UXS1: variants seen among roughly 807,000 people sequenced by gnomAD.
UXS1 encodes the protein UDP-glucuronate decarboxylase 1, also known as UDP-glucuronic acid decarboxylase 1.
A neutral mutation model predicts 62.6 loss-of-function variants in UXS1; 33 were observed. The observed-to-expected ratio is 0.53, with a 90% CI of 0.40 to 0.70. The LOEUF (loss-of-function observed/expected upper bound fraction) is 0.70. Among genes scored for constraint, UXS1 ranks in the 30% least tolerant of loss-of-function variants. The pLI is 0.00. For synonymous variants in UXS1, 213 were observed against 206.8 expected (o/e 1.03, Z -0.26); for missense variants, 434 against 556.3 (o/e 0.78, Z 2.21).
intron 5 of UXS1, among the ~76,000 whole-genome samples, chr2:106,156,112 G>A (rs990879021): frequency 1.3e-5 from 2 of 151,934 alleles, no homozygotes; most frequent in Admixed American, 6.6e-5. Flanking sequence ...AGAACCCACA[G>A]AATGAGATAA....
At chr2:106,120,285 T>G (rs1354578739) in intron 9 of UXS1, among the ~76,000 whole-genome samples, 1 of 152,172 alleles carries the variant, frequency 6.6e-6, no homozygotes, top group African/African-American at 2.4e-5. Flanking sequence ...TCACTGCTCT[T>G]AGTCACGTCA....
At chr2:106,183,214 A>G (rs1169804048) in intron 1 of UXS1, among the ~76,000 whole-genome samples, 1 of 147,322 alleles carries the variant, frequency 6.8e-6, no homozygotes, top group Non-Finnish European at 1.5e-5. Context: ...TGCTGATAAA[A>G]CCCAGCTGCC....
intron 1 of UXS1, among the ~76,000 whole-genome samples, chr2:106,167,437 G>A (rs920608115): frequency 4.6e-5 from 7 of 152,116 alleles, no homozygotes; most frequent in African/African-American, 1.7e-4. Context: ...CATAACCCCA[G>A]GCATCTTCCC....
intron 7 of UXS1, among the ~76,000 whole-genome samples, chr2:106,127,516 A>T (rs919702004): frequency 1.1e-4 from 17 of 152,238 alleles, no homozygotes; most frequent in African/African-American, 4.1e-4. Flanking sequence ...CAGGATCTAC[A>T]GAGACAACTG....
At chr2:106,169,863 GCAGGTGACGCCCATGCTTCC>G (rs904387390) in intron 1 of UXS1, among the ~76,000 whole-genome samples, 22 of 152,146 alleles carry the variant, frequency 1.4e-4, no homozygotes, top group African/African-American at 5.3e-4. Flanking sequence ...TCCTGGGGAA[GCAGGTGACGCCCATGCTTCC>G]CAGGATCAGC....
chr2:106,125,755 A>T, intron 7 of UXS1, 76 bp from the exon 8 acceptor site: 1 of 1,302,866 alleles, frequency 7.7e-7, no homozygotes, highest in Non-Finnish European at 1.1e-6. Context: ...CAATTTAAGC[A>T]ATGTTTTAGT....
intron 14 of UXS1, among the ~76,000 whole-genome samples, chr2:106,096,080 T>TGCCCCTGACCTG (rs1677060492): frequency 6.6e-6 from 1 of 152,178 alleles, no homozygotes; most frequent in Non-Finnish European, 1.5e-5. Context: ...GGGGACCACT[T>TGCCCCTGACCTG]GCCCCTGACC....
intron 1 of UXS1, among the ~76,000 whole-genome samples, chr2:106,179,250 C>G (rs1232903275): frequency 6.6e-6 from 1 of 152,256 alleles, no homozygotes; most frequent in East Asian, 1.9e-4. Context: ...TCCCCCACCC[C>G]ACCCTGAACC....
chr2:106,125,169 G>A (rs940623906), intron 8 of UXS1, among the ~76,000 whole-genome samples: 2 of 152,164 alleles, frequency 1.3e-5, no homozygotes, highest in African/African-American at 2.4e-5. Flanking sequence ...TCCAGAACTC[G>A]TTATACAACA....
Position 106,093,999 on chromosome 2 carries a change from T to C in UXS1, c.*27A>G, listed in dbSNP as rs779091344. The C allele has an allele frequency of 6.3e-7, 1 of 1,587,146 alleles. No homozygotes were observed. Among genetic ancestry groups the C allele is most frequent in the Non-Finnish European group, 8.5e-7 (1 of 1,171,350 alleles). ...ATACATCCCATCAAGTGTACAATGGTAGTCTTGTGTCCTAAAAGTGAGGAG... is the reference window on the plus strand; with the variant it reads ...ATACATCCCATCAAGTGTACAATGGCAGTCTTGTGTCCTAAAAGTGAGGAG... On this transcript the variant is annotated 3_prime_UTR_variant, in exon 15 of 15. Coordinates refer to ENST00000283148, the MANE Select transcript of UXS1 (RefSeq NM_001253875.2).
intron 1 of UXS1, among the ~76,000 whole-genome samples, chr2:106,189,607 G>T (rs1684792627): frequency 6.6e-6 from 1 of 152,162 alleles, no homozygotes; most frequent in Non-Finnish European, 1.5e-5. Flanking sequence ...GAGTGAGGAA[G>T]GGAGGGCAAT....
At chr2:106,175,198 TACAA>T (rs1360139403) in intron 1 of UXS1, among the ~76,000 whole-genome samples, 4 of 152,320 alleles carry the variant, frequency 2.6e-5, no homozygotes, top group South Asian at 4.1e-4. Context: ...GGAAATCTTG[TACAA>T]ACAGAGGGCA....
intron 1 of UXS1, among the ~76,000 whole-genome samples, chr2:106,193,503 G>C (rs1221718427): frequency 2.6e-5 from 4 of 152,028 alleles, no homozygotes; most frequent in Admixed American, 2.6e-4. Flanking sequence ...CAGAGAAGCT[G>C]CAGGCACGCC....
chr2:106,097,686 C>T (rs10191679), intron 13 of UXS1: 142,090 of 187,780 alleles, frequency 0.76, 54,397 homozygotes, highest in African/African-American at 0.81. Flanking sequence ...ATTTCTAACA[C>T]ACATCTGATG....
intron 12 of UXS1, chr2:106,100,703 A>G (rs777924926): frequency 9.9e-5 from 20 of 202,136 alleles, no homozygotes; most frequent in Non-Finnish European, 1.7e-4. Context: ...AACAACCTCC[A>G]TCTTCTAAAA....
chr2:106,168,000 A>G (rs1217381045), intron 1 of UXS1, among the ~76,000 whole-genome samples: 1 of 152,290 alleles, frequency 6.6e-6, no homozygotes, highest in East Asian at 1.9e-4. Flanking sequence ...CATCTCTACT[A>G]AAAATACAAA....
At chr2:106,096,684 TC>T in intron 14 of UXS1, 33 bp downstream of exon 14, 2 of 1,522,762 alleles carry the variant, frequency 1.3e-6, no homozygotes, top group Non-Finnish European at 1.8e-6. Context: ...GGGAGGCCCC[TC>T]CCCACAAGGC....
intron 1 of UXS1, 47 bp from the exon 2 acceptor site, chr2:106,166,130 T>C (rs1486447885): frequency 1.9e-6 from 3 of 1,577,042 alleles, no homozygotes; most frequent in Non-Finnish European, 2.6e-6. Context: ...TCCACAACTT[T>C]CAGGGATTCC....
At chr2:106,158,013 A>T (rs1172740760) in intron 5 of UXS1, 45 bp downstream of exon 5, 11 of 1,465,126 alleles carry the variant, frequency 7.5e-6, no homozygotes, top group Admixed American at 2.0e-5. Context: ...ACGAAAAAAG[A>T]AAGTTTCTTA....
Sources: gnomAD v4.1 joint callset for allele counts (sites outside exome capture counted in the v4.1 genomes callset) on GRCh38, gnomAD v4.1.1 for gene constraint, MANE v1.5 for transcripts, NCBI Gene and HGNC (gene_info 2026-07-23, HGNC 2026-07-21) for gene names.